The following SYNCRIP variants were observed in gnomAD, a reference collection of about 807,000 sequenced individuals.
The protein encoded by SYNCRIP is synaptotagmin binding cytoplasmic RNA interacting protein.
A neutral mutation model predicts 68.9 loss-of-function variants in SYNCRIP; 9 were observed. The observed-to-expected ratio is 0.13, with a 90% confidence interval of 0.08 to 0.23. The LOEUF is 0.23. Among genes scored for constraint, SYNCRIP ranks in the 10% least tolerant of loss-of-function variants. The pLI is 1.00. For synonymous variants in SYNCRIP, 258 were observed against 254.0 expected, an observed-to-expected ratio of 1.02 and a Z score of -0.15; for missense variants, 414 against 770.6, an observed-to-expected ratio of 0.54 and a Z score of 5.48.
chr6:85,636,989 GCTT>G lies in SYNCRIP; in HGVS notation c.641_643del (p.Glu214del). The G allele has an allele frequency of 6.2e-7, 1 of 1,609,942 alleles. No individual in the cohort carries two copies. The highest frequency in any genetic ancestry group is 8.5e-7 in the Non-Finnish European group (1 of 1,179,078). ...TACCAGTTTAACAGCCTCCTGAGCT[GCTT>G]CTTTTGTACAAAAAGTGACAAACGC... On this transcript the variant is annotated inframe_deletion, in exon 6 of 11. Transcript: ENST00000369622.
chr6:85,608,636 G>T (rs938333276), exon 12 of SYNCRIP: 1 of 151,948 alleles, frequency 6.6e-6, no homozygotes, highest in African/African-American at 2.4e-5. Context: ...TAAGCTAACA[G>T]AACTAATTTT....
chr6:85,640,642 T>TA, intron 2 of SYNCRIP, 78 bp from the exon 3 acceptor site: 2 of 806,222 alleles, frequency 2.5e-6, no homozygotes, highest in Admixed American at 6.0e-5. Context: ...GCAATACAGG[T>TA]ACATGTGTGC....
At chr6:85,633,354 T>C (rs767876741) in intron 6 of SYNCRIP, among the ~76,000 whole-genome samples, 2 of 152,058 alleles carry the variant, frequency 1.3e-5, no homozygotes, top group South Asian at 2.1e-4. Context: ...CCCAGCACTT[T>C]GGGAAGCCGA....
chr6:85,621,443 C>G (rs1806385713), intron 8 of SYNCRIP, among the ~76,000 whole-genome samples: 1 of 151,898 alleles, frequency 6.6e-6, no homozygotes, highest in Non-Finnish European at 1.5e-5. Flanking sequence ...AACTCTGCCT[C>G]TACAAAATTT....
chr6:85,614,067 T>C lies in SYNCRIP; in HGVS notation c.*689A>G, dbSNP rs1805499831. ...ACCAGAAGCAGAAAACTGCAATAAA[T>C]CAGTGTTGTGTAATGTGCAGACATA... On this transcript the variant is annotated 3_prime_UTR_variant, in exon 11 of 11. Transcript: ENST00000369622. The C allele has an allele frequency of 1.0e-6, 1 of 985,732 alleles. No homozygotes were observed. Among genetic ancestry groups the C allele is most frequent in the Non-Finnish European group, 1.2e-6 (1 of 829,946 alleles). 61.1% of individuals were successfully genotyped at this position (985,732 alleles called of 1,614,324 possible). A position where few individuals can be genotyped will look rare whatever the true frequency, so the allele number is the denominator to read the frequency against.
chr6:85,633,586 G>C (rs898267146), intron 6 of SYNCRIP, among the ~76,000 whole-genome samples: 1 of 152,020 alleles, frequency 6.6e-6, no homozygotes, highest in Non-Finnish European at 1.5e-5. Flanking sequence ...GGGAGACTCC[G>C]TTTCAAAAAA....
chr6:85,612,137 G>A (rs910971421), downstream of SYNCRIP: 2 of 152,092 alleles, frequency 1.3e-5, no homozygotes, highest in Non-Finnish European at 2.9e-5. Flanking sequence ...TGAAACTAAA[G>A]GCAACTAAGA....
chr6:85,633,450 G>T (rs1340367146), intron 6 of SYNCRIP, among the ~76,000 whole-genome samples: 2 of 151,912 alleles, frequency 1.3e-5, no homozygotes, highest in African/African-American at 4.8e-5. Context: ...AATCAGTAGG[G>T]CATGGTGGTG....
chr6:85,632,980 C>T (rs960413671), intron 6 of SYNCRIP, among the ~76,000 whole-genome samples: 17 of 151,976 alleles, frequency 1.1e-4, no homozygotes, highest in South Asian at 2.1e-4. Context: ...AGGCCGGGCG[C>T]GGTGGCTCAC....
chr6:85,631,339 C>CAAAAAAAAAAAAAAAAAAAAAAAAAA (rs71003000), intron 6 of SYNCRIP, among the ~76,000 whole-genome samples: 1 of 91,814 alleles, frequency 1.1e-5, no homozygotes, highest in African/African-American at 5.0e-5. Context: ...ACTGTGTCTC[C>CAAAAAAAAAAAAAAAAAAAAAAAAAA]AAAAAAAAAA....
At chr6:85,610,682 T>C (rs528938273), downstream of SYNCRIP, 1 of 152,126 alleles carries the variant, frequency 6.6e-6, no homozygotes, top group South Asian at 2.1e-4. Context: ...AAAGTGCCAA[T>C]AGGCATGGCA....
At chr6:85,635,476 AAAGG>A (rs1315016428) in intron 6 of SYNCRIP, among the ~76,000 whole-genome samples, 2 of 152,080 alleles carry the variant, frequency 1.3e-5, no homozygotes, top group Admixed American at 6.5e-5. Context: ...ACAACATAGA[AAAGG>A]AAGACTTGGC....
At chr6:85,622,820 A>ACTTTT in intron 7 of SYNCRIP, 133 bp from the exon 8 acceptor site, 3 of 713,930 alleles carry the variant, frequency 4.2e-6, no homozygotes, top group Non-Finnish European at 4.6e-6. Flanking sequence ...AGACATCTTT[A>ACTTTT]TAAAAGACTA....
intron 6 of SYNCRIP, among the ~76,000 whole-genome samples, chr6:85,635,091 G>A (rs1394275328): frequency 6.6e-6 from 1 of 152,114 alleles, no homozygotes; most frequent in African/African-American, 2.4e-5. Flanking sequence ...CCTGAGCCCA[G>A]GAGGCAGAGA....
At chr6:85,639,199 CT>C (rs892633841) in intron 4 of SYNCRIP, among the ~76,000 whole-genome samples, 1 of 152,024 alleles carries the variant, frequency 6.6e-6, no homozygotes, top group Non-Finnish European at 1.5e-5. Context: ...CAGAGTAAGA[CT>C]CTGTCTCCCA....
At chr6:85,612,762 T>C (rs537605140), downstream of SYNCRIP, 50 of 1,008,368 alleles carry the variant, frequency 5.0e-5, no homozygotes, top group African/African-American at 6.7e-5. Flanking sequence ...ATGATCTTCA[T>C]AGGAAGGTCT....
At chr6:85,631,523 G>A (rs1178120838) in intron 6 of SYNCRIP, among the ~76,000 whole-genome samples, 2 of 152,150 alleles carry the variant, frequency 1.3e-5, no homozygotes, top group African/African-American at 2.4e-5. Flanking sequence ...GGCAACAGAA[G>A]GCAGTGAGAC....
At chr6:85,621,811 T>G (rs142756891) in intron 8 of SYNCRIP, among the ~76,000 whole-genome samples, 292 of 151,116 alleles carry the variant, frequency 1.9e-3, no homozygotes, top group Middle Eastern at 0.01. Context: ...TTTTTAGTAG[T>G]AAGACTTTTA....
intron 8 of SYNCRIP, among the ~76,000 whole-genome samples, chr6:85,619,799 A>T (rs1020720848): frequency 2.0e-5 from 3 of 152,126 alleles, no homozygotes; most frequent in African/African-American, 7.2e-5. Flanking sequence ...GCAAAAGGGT[A>T]TAGCCCCTTT....
Sources: allele counts gnomAD v4.1 joint callset (sites outside exome capture counted in the v4.1 genomes callset), GRCh38; gene constraint gnomAD v4.1.1; transcripts MANE v1.5; gene names NCBI Gene and HGNC (gene_info 2026-07-23, HGNC 2026-07-21).